The following KRT8 variants were observed in gnomAD, a reference collection of about 807,000 sequenced individuals.
The protein encoded by KRT8 is keratin 8.
KRT8 carries 24 observed loss-of-function variants against 43.0 expected under a neutral mutation model. The observed-to-expected ratio is 0.56, with a 90% confidence interval of 0.40 to 0.78. The LOEUF (loss-of-function observed/expected upper bound fraction) is 0.78, where lower values mean the gene tolerates loss of function less well. Ranked by LOEUF, KRT8 falls within the 30% of genes least tolerant of loss-of-function variation. KRT8 has a pLI of 0.00. For missense variants in KRT8, 492 were observed against 638.4 expected (o/e 0.77, Z 2.47); for synonymous variants, 214 against 261.2 (o/e 0.82, Z 1.74).
rs763464363 is a variant in KRT8 at position 52,949,613 on chromosome 12, A to C, written c.-176-28T>G. On this transcript the variant is annotated intron_variant, in intron 1 of 6. Transcript: ENST00000546826. The stretch of plus-strand genomic sequence containing the variant: ...CAGGTAAGGGGTAGGAGGGACCTCA[A>C]CTCCCAGCCTTGTCTGACCCTCCAA... 11 of 1,600,454 alleles carry C rather than the reference A, an allele frequency of 6.9e-6. No individual in the cohort carries two copies. The African/African-American group carries it at 1.5e-4, about 22-fold the overall frequency.
chr12:52,937,124 A>C (rs1942180292), intron 2 of KRT8, among the ~76,000 whole-genome samples: 1 of 151,986 alleles, frequency 6.6e-6, no homozygotes, highest in Non-Finnish European at 1.5e-5. Flanking sequence ...TAATCGTAGC[A>C]CTTTGGGAGG....
intron 2 of KRT8, among the ~76,000 whole-genome samples, chr12:52,928,831 G>A (rs1203972208): frequency 2.0e-5 from 3 of 152,154 alleles, no homozygotes; most frequent in South Asian, 2.1e-4. Context: ...GCTTGACCCC[G>A]GGAGGTGGAG....
At chr12:52,904,634 C>G in intron 1 of KRT8, 24 bp downstream of exon 1, 3 of 1,605,122 alleles carry the variant, frequency 1.9e-6, no homozygotes, top group Non-Finnish European at 2.6e-6. Context: ...CGGGCACAGT[C>G]AGCCACGCAG....
upstream of KRT8, among the ~76,000 whole-genome samples, chr12:52,907,657 T>C (rs1388369751): frequency 6.6e-6 from 1 of 152,184 alleles, no homozygotes; most frequent in Non-Finnish European, 1.5e-5. Context: ...GCCCTTTTTT[T>C]CTGGGGCAGC....
intron 2 of KRT8, among the ~76,000 whole-genome samples, chr12:52,931,015 C>G (rs1038706920): frequency 1.3e-5 from 2 of 152,008 alleles, no homozygotes; most frequent in African/African-American, 4.8e-5. Flanking sequence ...TCTTGTCAAA[C>G]TGCAGTTTTG....
chr12:52,934,801 T>A (rs1353477441), intron 2 of KRT8, among the ~76,000 whole-genome samples: 1 of 151,558 alleles, frequency 6.6e-6, no homozygotes, highest in East Asian at 2.0e-4. Context: ...AAAACCCATC[T>A]CTACTAAAAA....
upstream of KRT8, among the ~76,000 whole-genome samples, chr12:52,910,268 G>A (rs186276143): frequency 1.5e-4 from 23 of 152,196 alleles, no homozygotes; most frequent in Middle Eastern, 3.4e-3. Flanking sequence ...TGCTCAGGTC[G>A]CACCCCGTCT....
intron 1 of KRT8, among the ~76,000 whole-genome samples, chr12:52,903,863 C>CCCCACCCCAG (rs1941440289): frequency 9.9e-6 from 1 of 101,496 alleles, no homozygotes; most frequent in East Asian, 2.3e-4. Flanking sequence ...CCCCAGCCCA[C>CCCCACCCCAG]CCCACCCCAC....
chr12:52,936,886 A>T (rs1403925625), intron 2 of KRT8, among the ~76,000 whole-genome samples: 1 of 152,178 alleles, frequency 6.6e-6, no homozygotes, highest in Non-Finnish European at 1.5e-5. Context: ...GCTTTGTCAC[A>T]ATTAAGAACT....
At chr12:52,920,689 A>G (rs1317573884) in intron 2 of KRT8, among the ~76,000 whole-genome samples, 6 of 152,220 alleles carry the variant, frequency 3.9e-5, no homozygotes, top group Middle Eastern at 6.8e-3. Flanking sequence ...GACATCTAAC[A>G]GGCACTCCAC....
chr12:52,934,674 A>G (rs983394103), intron 2 of KRT8, among the ~76,000 whole-genome samples: 1 of 152,058 alleles, frequency 6.6e-6, no homozygotes, highest in African/African-American at 2.4e-5. Flanking sequence ...GTATCAGCAT[A>G]AAGATAGATA....
In KRT8 at chr12:52,931,314, G is replaced by C. The variant is rs542071912; in HGVS notation, c.-47+18142C>G. 2.6e-5 allele frequency among the ~76,000 whole-genome samples: 4 copies of C among 151,652 alleles called. No individual in the cohort carries two copies. The South Asian group carries it at 8.4e-4, about 32-fold the overall frequency. ...AATCTCCTGACCTCGTGATCCTCCCGCCTCGGCCTCCCAAAGTACTGGGAT... is the reference window on the plus strand; with the variant it reads ...AATCTCCTGACCTCGTGATCCTCCCCCCTCGGCCTCCCAAAGTACTGGGAT... On this transcript the variant is annotated intron_variant, in intron 2 of 6. Transcript: ENST00000546826.
At chr12:52,907,624 C>G (rs151205383), upstream of KRT8, among the ~76,000 whole-genome samples, 1 of 152,196 alleles carries the variant, frequency 6.6e-6, no homozygotes, top group African/African-American at 2.4e-5. Flanking sequence ...AGGGCTGACC[C>G]AGACCTTACC....
chr12:52,920,546 G>A (rs573338462), intron 2 of KRT8, among the ~76,000 whole-genome samples: 1 of 152,268 alleles, frequency 6.6e-6, no homozygotes, highest in Non-Finnish European at 1.5e-5. Context: ...GGGGTGAGCT[G>A]AGATTGTGCC....
At chr12:52,917,603 G>T (rs765669833) in intron 2 of KRT8, among the ~76,000 whole-genome samples, 1 of 151,818 alleles carries the variant, frequency 6.6e-6, no homozygotes, top group Non-Finnish European at 1.5e-5. Flanking sequence ...CAGCTACTTG[G>T]GAGGCTGAGG....
At chr12:52,906,486 T>C (rs1941522028), upstream of KRT8, 1 of 338,292 alleles carries the variant, frequency 3.0e-6, no homozygotes, top group South Asian at 2.2e-5. Context: ...ATTATCAAAG[T>C]GAGTCAGGAG....
chr12:52,907,176 G>C (rs12322303), upstream of KRT8: 1 of 167,460 alleles, frequency 6.0e-6, no homozygotes, highest in Non-Finnish European at 1.3e-5. Flanking sequence ...CCTTCTCCCA[G>C]CTCCTTTAAA....
At chr12:52,897,770 G>T in intron 7 of KRT8, 152 bp from the exon 8 acceptor site, 3 of 1,060,154 alleles carry the variant, frequency 2.8e-6, no homozygotes, top group Non-Finnish European at 4.2e-6. Flanking sequence ...CACTACTCCA[G>T]AACTGTCAGG....
upstream of KRT8, among the ~76,000 whole-genome samples, chr12:52,909,859 G>A (rs965345601): frequency 2.0e-5 from 3 of 152,216 alleles, no homozygotes; most frequent in Non-Finnish European, 2.9e-5. Context: ...TAGAACAAGA[G>A]TGAGGGAGGA....
Sources: allele counts gnomAD v4.1 joint callset (sites outside exome capture counted in the v4.1 genomes callset), GRCh38; gene constraint gnomAD v4.1.1; transcripts MANE v1.5; gene names NCBI Gene and HGNC (gene_info 2026-07-23, HGNC 2026-07-21).